MTUS1: variants seen among roughly 807,000 people sequenced by gnomAD.
The protein encoded by MTUS1 is microtubule-associated tumor suppressor 1.
A neutral mutation model predicts 120.8 loss-of-function variants in MTUS1; 109 were observed. The ratio of observed to expected loss-of-function variants is 0.90; its 90% confidence interval spans 0.77 to 1.06. MTUS1 has a LOEUF of 1.06. Ranked by LOEUF, MTUS1 falls within the 50% of genes least tolerant of loss-of-function variation. MTUS1 has a pLI of 0.00. For synonymous variants in MTUS1, 737 were observed against 550.5 expected (o/e 1.34, Z -4.74); for missense variants, 2,210 against 1,486.3 (o/e 1.49, Z -8.01).
intron 1 of MTUS1, among the ~76,000 whole-genome samples, chr8:17,765,316 T>C (rs542144126): frequency 6.6e-6 from 1 of 152,234 alleles, no homozygotes; most frequent in Non-Finnish European, 1.5e-5. Context: ...TTGGGGAACC[T>C]TGCCGTGATG....
At position 17,794,145 on chromosome 8, in the gene MTUS1, T is replaced by C. The variant is rs758164335; in HGVS notation, c.-155+6916A>G. ...GAGTTCGAGACCAGCCTGATCAACA[T>C]GGTGAAACCCTGTCTCTACTAAAAA... On this transcript the variant is annotated intron_variant, in intron 1 of 14. Transcript: ENST00000693296. 3.0e-4 allele frequency among the ~76,000 whole-genome samples: 45 copies of C among 152,108 alleles called. 1 individual carries two copies. Among genetic ancestry groups the C allele is most frequent in the Admixed American group, 1.0e-3 (16 of 15,276 alleles).
At position 17,714,653 on chromosome 8, in the gene MTUS1, TATTC is replaced by T. The variant is rs551757621; in HGVS notation, c.2584+1110_2584+1113del. ...ATAAAAAGCAAGATACAGAAGAGTA[TATTC>T]ATTATTACCTCAGTTTTGCTGGAAT... On this transcript the variant is annotated intron_variant, in intron 5 of 14. Transcript: ENST00000693296. Among the ~76,000 whole-genome samples, 755 of 152,262 alleles carry T rather than the reference TATTC, an allele frequency of 5.0e-3. 10 individuals are homozygous for T. The highest frequency in any genetic ancestry group is 0.017 in the African/African-American group (701 of 41,546).
chr8:17,790,746 G>T (rs1474172263), intron 1 of MTUS1, among the ~76,000 whole-genome samples: 2 of 152,188 alleles, frequency 1.3e-5, no homozygotes, highest in East Asian at 3.8e-4. Flanking sequence ...CAGCACTTCG[G>T]GAGGCCAAGG....
intron 1 of MTUS1, among the ~76,000 whole-genome samples, chr8:17,780,419 T>C (rs1163591749): frequency 6.6e-6 from 1 of 152,230 alleles, no homozygotes; most frequent in Admixed American, 6.5e-5. Context: ...AACAGTCTGA[T>C]ACAATCTCAA....
At chr8:17,656,170 C>A in intron 8 of MTUS1, 105 bp from the exon 9 acceptor site, 2 of 994,040 alleles carry the variant, frequency 2.0e-6, no homozygotes, top group East Asian at 5.0e-5. Context: ...AGCATACACC[C>A]ATGATGTCTT....
chr8:17,757,746 C>G (rs757719067), intron 1 of MTUS1, among the ~76,000 whole-genome samples: 1 of 152,074 alleles, frequency 6.6e-6, no homozygotes, highest in Non-Finnish European at 1.5e-5. Flanking sequence ...AGGCTGGTCT[C>G]GAACTCCTGA....
intron 1 of MTUS1, among the ~76,000 whole-genome samples, chr8:17,799,033 T>C: frequency 6.6e-6 from 1 of 150,984 alleles, no homozygotes. Context: ...TTTTTTTCCC[T>C]TTAAGGATGA....
chr8:17,692,728 T>A (rs1817201282), intron 6 of MTUS1, among the ~76,000 whole-genome samples: 1 of 152,098 alleles, frequency 6.6e-6, no homozygotes, highest in Non-Finnish European at 1.5e-5. Context: ...GTGCTGGGCT[T>A]AATACTTGGG....
chr8:17,725,459 C>G lies in MTUS1; in HGVS notation c.2288-1626G>C, dbSNP rs192632343. 9.2e-5 allele frequency among the ~76,000 whole-genome samples: 14 copies of G among 152,344 alleles called. No homozygotes were observed. The East Asian group carries it at 2.5e-3, about 27-fold the overall frequency. ...TGCTCCGATTAACCTCGCTTTCTCTCTGACACCAGGGCACATCATGTGCTA... is the reference window on the plus strand; with the variant it reads ...TGCTCCGATTAACCTCGCTTTCTCTGTGACACCAGGGCACATCATGTGCTA... On this transcript the variant is annotated intron_variant, in intron 3 of 14. Transcript: ENST00000693296.
chr8:17,693,966 C>T (rs1004167724), intron 6 of MTUS1, among the ~76,000 whole-genome samples: 5 of 152,222 alleles, frequency 3.3e-5, no homozygotes, highest in Non-Finnish European at 7.3e-5. Flanking sequence ...AGACCAAATA[C>T]TAAGCTCTTC....
At chr8:17,726,497 T>C (rs2046239578) in intron 3 of MTUS1, among the ~76,000 whole-genome samples, 1 of 152,210 alleles carries the variant, frequency 6.6e-6, no homozygotes, top group Non-Finnish European at 1.5e-5. Flanking sequence ...ACTTAATAAA[T>C]GTTTCCTCAA....
chr8:17,764,019 A>G (rs921965683), intron 1 of MTUS1, among the ~76,000 whole-genome samples: 4 of 152,214 alleles, frequency 2.6e-5, no homozygotes, highest in African/African-American at 7.2e-5. Context: ...CACAAATTGT[A>G]AACAGCCACC....
At chr8:17,683,025 G>C (rs1224180327) in intron 7 of MTUS1, among the ~76,000 whole-genome samples, 2 of 152,146 alleles carry the variant, frequency 1.3e-5, no homozygotes, top group Admixed American at 1.3e-4. Flanking sequence ...GTAATCCCAG[G>C]ACTTTGGGAG....
At chr8:17,724,493 T>A (rs1317330070) in intron 3 of MTUS1, among the ~76,000 whole-genome samples, 1 of 152,146 alleles carries the variant, frequency 6.6e-6, no homozygotes, top group Non-Finnish European at 1.5e-5. Context: ...TTAAGATTTT[T>A]TTTTTTAATC....
intron 13 of MTUS1, among the ~76,000 whole-genome samples, chr8:17,649,096 AT>A (rs11386214): frequency 6.6e-6 from 1 of 151,092 alleles, no homozygotes; most frequent in African/African-American, 2.4e-5. Context: ...TTATAGCACA[AT>A]TTTTTTTTTG....
chr8:17,654,086 G>A (rs1472186042), intron 10 of MTUS1: 1 of 165,138 alleles, frequency 6.1e-6, no homozygotes, highest in African/African-American at 2.4e-5. Context: ...GAAAGACTGT[G>A]AGCGACACTG....
Position 17,645,790 on chromosome 8 carries a change from G to T in MTUS1, c.*136C>A. The T allele has an allele frequency of 8.6e-7, 1 of 1,161,986 alleles. No homozygotes were observed. Among genetic ancestry groups the T allele is most frequent in the African/African-American group, 1.6e-5 (1 of 63,346 alleles). The allele number at this position is 1,161,986 out of a possible 1,614,324, so 72.0% of individuals were successfully genotyped here. A position where few individuals can be genotyped will look rare whatever the true frequency, so the allele number is the denominator to read the frequency against. ...CAGTCTCAGAAGCTGCGATTCCGCCGGTGGTGACGCTCCAGTTACCCTACG... is the reference window on the plus strand; with the variant it reads ...CAGTCTCAGAAGCTGCGATTCCGCCTGTGGTGACGCTCCAGTTACCCTACG... On this transcript the variant is annotated 3_prime_UTR_variant, in exon 15 of 15. Transcript: ENST00000693296.
At chr8:17,792,800 G>T (rs1203020974) in intron 1 of MTUS1, among the ~76,000 whole-genome samples, 2 of 151,432 alleles carry the variant, frequency 1.3e-5, no homozygotes, top group African/African-American at 4.9e-5. Context: ...GGAGGCGGAG[G>T]TTGCAGTGAG....
intron 4 of MTUS1, chr8:17,721,787 A>C: frequency 1.2e-6 from 2 of 1,614,226 alleles, no homozygotes; most frequent in Non-Finnish European, 1.7e-6. Context: ...AGTGTCAATA[A>C]GGTAGCATCA....
Sources: allele counts gnomAD v4.1 joint callset (sites outside exome capture counted in the v4.1 genomes callset), GRCh38; gene constraint gnomAD v4.1.1; transcripts MANE v1.5; gene names NCBI Gene and HGNC (gene_info 2026-07-23, HGNC 2026-07-21).